Variants in EML4 observed in about 807,000 individuals in gnomAD.
EML4 encodes the protein EMAP like 4.
In EML4, 72 loss-of-function variants were observed where a neutral mutation model predicts 129.0. That is an observed-to-expected ratio of 0.56 (90% CI 0.46 to 0.68). The LOEUF (loss-of-function observed/expected upper bound fraction) is 0.68, where lower values mean the gene tolerates loss of function less well. Among genes scored for constraint, EML4 ranks in the 30% least tolerant of loss-of-function variants. The pLI, the probability that EML4 is intolerant of heterozygous loss-of-function variation, is 0.00. For missense variants in EML4, 1,363 were observed against 1,190.6 expected (o/e 1.14, Z -2.13); for synonymous variants, 532 against 405.0 (o/e 1.31, Z -3.77).
At chr2:42,237,014 T>C (rs557222482) in intron 1 of EML4, among the ~76,000 whole-genome samples, 8 of 152,308 alleles carry the variant, frequency 5.3e-5, no homozygotes, top group African/African-American at 1.4e-4. Context: ...TAGAATTGTT[T>C]GTAGTCTCAA....
intron 17 of EML4, among the ~76,000 whole-genome samples, chr2:42,305,529 T>C (rs1668549316): frequency 6.6e-6 from 1 of 152,232 alleles, no homozygotes; most frequent in Non-Finnish European, 1.5e-5. Context: ...CCATCCTGTC[T>C]TTTTTAAATG....
intron 1 of EML4, among the ~76,000 whole-genome samples, chr2:42,232,217 T>C (rs1488351124): frequency 6.6e-6 from 1 of 152,070 alleles, no homozygotes; most frequent in Non-Finnish European, 1.5e-5. Flanking sequence ...GGGTACATAA[T>C]ATACAAATTA....
intron 6 of EML4, among the ~76,000 whole-genome samples, chr2:42,268,406 A>G (rs1426378822): frequency 6.6e-6 from 1 of 152,136 alleles, no homozygotes; most frequent in East Asian, 1.9e-4. Flanking sequence ...TCCCATGGAA[A>G]CCAAGGGACC....
At chr2:42,212,923 T>A (rs1672966994) in intron 1 of EML4, among the ~76,000 whole-genome samples, 1 of 152,228 alleles carries the variant, frequency 6.6e-6, no homozygotes, top group Non-Finnish European at 1.5e-5. Context: ...GTGCCCTGTG[T>A]TCTGTAATCT....
At chr2:42,260,608 C>T (rs985140516) in intron 3 of EML4, among the ~76,000 whole-genome samples, 1 of 152,026 alleles carries the variant, frequency 6.6e-6, no homozygotes. Context: ...AATTAACTTA[C>T]ATAATTAAAA....
intron 1 of EML4, among the ~76,000 whole-genome samples, chr2:42,198,089 C>T (rs1018489457): frequency 1.3e-5 from 2 of 152,100 alleles, no homozygotes; most frequent in African/African-American, 4.8e-5. Context: ...AGTGACTTTA[C>T]TGGAATTACA....
chr2:42,171,096 A>T (rs1349246410), intron 1 of EML4, among the ~76,000 whole-genome samples: 2 of 152,110 alleles, frequency 1.3e-5, no homozygotes, highest in African/African-American at 4.8e-5. Flanking sequence ...CTAACCTTTG[A>T]TGTCTTGTAA....
intron 1 of EML4, among the ~76,000 whole-genome samples, chr2:42,193,570 T>C (rs1006082889): frequency 6.6e-6 from 1 of 152,366 alleles, no homozygotes; most frequent in Admixed American, 6.5e-5. Context: ...TAAATTCCTT[T>C]AAGTTTTGAC....
At chr2:42,302,560 G>T (rs13429757) in intron 14 of EML4, among the ~76,000 whole-genome samples, 17,449 of 149,262 alleles carry the variant, frequency 0.12, 1,066 homozygotes, top group East Asian at 0.18. Context: ...TTGAGACAGA[G>T]TCTTGCTCTG....
intron 16 of EML4, 42 bp downstream of exon 16, chr2:42,303,488 C>G: frequency 6.3e-7 from 1 of 1,598,526 alleles, no homozygotes; most frequent in Non-Finnish European, 8.6e-7. Flanking sequence ...CCCACAGAAA[C>G]TCCTCACACT....
Position 42,169,689 on chromosome 2 carries a change from C to T in EML4, c.25+53C>T, listed in dbSNP as rs1242246819. ...TTCTGCGAAGGGTAGGAACTTTTTT[C>T]CTTCCGCACACAGCCCAGGCCCTGC... On this transcript the variant is annotated intron_variant, in intron 1 of 22. Transcript: ENST00000318522. The T allele has an allele frequency of 2.5e-6, 4 of 1,581,366 alleles. No homozygotes were observed. In the South Asian group the frequency reaches 3.4e-5, roughly 13 times the overall value.
chr2:42,290,774 T>C (rs1048890821), intron 11 of EML4, among the ~76,000 whole-genome samples: 2 of 152,100 alleles, frequency 1.3e-5, no homozygotes, highest in African/African-American at 4.8e-5. Context: ...TAAAATTCAG[T>C]AAGGCAACTT....
intron 1 of EML4, chr2:42,170,356 G>C (rs1321464021): frequency 6.6e-6 from 1 of 152,226 alleles, no homozygotes; most frequent in East Asian, 1.9e-4. Flanking sequence ...AGTGTTTTCT[G>C]GTTCTGCATA....
intron 1 of EML4, among the ~76,000 whole-genome samples, chr2:42,209,897 C>G (rs1417717192): frequency 3.3e-5 from 5 of 152,122 alleles, no homozygotes; most frequent in Non-Finnish European, 7.3e-5. Context: ...CCATTGCACT[C>G]CAGCCTGGGC....
intron 1 of EML4, among the ~76,000 whole-genome samples, chr2:42,236,154 G>A (rs1370906462): frequency 6.6e-6 from 1 of 152,016 alleles, no homozygotes; most frequent in African/African-American, 2.4e-5. Flanking sequence ...TCTAAACATT[G>A]TATTATTTAC....
At chr2:42,279,313 A>C in intron 6 of EML4, among the ~76,000 whole-genome samples, 1 of 152,174 alleles carries the variant, frequency 6.6e-6, no homozygotes, top group East Asian at 1.9e-4. Context: ...AATACCCAGT[A>C]GTGGGATTGC....
intron 1 of EML4, among the ~76,000 whole-genome samples, chr2:42,219,695 A>C (rs1673436257): frequency 6.6e-6 from 1 of 152,114 alleles, no homozygotes; most frequent in South Asian, 2.1e-4. Context: ...AGGTGGGCAG[A>C]TTACTTGACA....
chr2:42,227,923 CAAA>C (rs1176218383), intron 1 of EML4, among the ~76,000 whole-genome samples: 3 of 151,996 alleles, frequency 2.0e-5, no homozygotes, highest in Non-Finnish European at 4.4e-5. Flanking sequence ...TGTAGGGAGT[CAAA>C]AATTATACAT....
At chr2:42,195,076 A>G (rs1023612825) in intron 1 of EML4, among the ~76,000 whole-genome samples, 3 of 152,164 alleles carry the variant, frequency 2.0e-5, no homozygotes, top group African/African-American at 7.2e-5. Context: ...TTCATTGATT[A>G]TAGAAGCTGT....
Sources: allele counts gnomAD v4.1 joint callset (sites outside exome capture counted in the v4.1 genomes callset), GRCh38; gene constraint gnomAD v4.1.1; transcripts MANE v1.5; gene names NCBI Gene and HGNC (gene_info 2026-07-23, HGNC 2026-07-21).